Variants in ANK2 observed in about 807,000 individuals in gnomAD.
The protein encoded by ANK2 is ankyrin 2.
ANK2 carries 83 observed loss-of-function variants against 360.5 expected under a neutral mutation model. That is an observed-to-expected ratio of 0.23 (90% CI 0.19 to 0.28). The LOEUF is 0.28. Among genes scored for constraint, ANK2 ranks in the 10% least tolerant of loss-of-function variants. The probability of loss-of-function intolerance (pLI) is 1.00; values close to 1 mark genes in which losing one functional copy is unlikely to be tolerated. For missense variants in ANK2, 4,201 were observed against 4,795.7 expected, an observed-to-expected ratio of 0.88 and a Z score of 3.66; for synonymous variants, 1,740 against 1,759.5, an observed-to-expected ratio of 0.99 and a Z score of 0.28.
intron 4 of ANK2, among the ~76,000 whole-genome samples, chr4:113,221,246 A>G (rs1010632095): frequency 6.6e-6 from 1 of 152,170 alleles, no homozygotes; most frequent in African/African-American, 2.4e-5. Flanking sequence ...AATAGTGGTG[A>G]GACAAGTTGG....
At chr4:112,982,108 T>C (rs1283689745) in intron 2 of ANK2, among the ~76,000 whole-genome samples, 1 of 152,206 alleles carries the variant, frequency 6.6e-6, no homozygotes. Flanking sequence ...CATTTCTCAG[T>C]GTGTTCTGCG....
chr4:112,979,105 C>T (rs961362000), intron 2 of ANK2, among the ~76,000 whole-genome samples: 10 of 152,336 alleles, frequency 6.6e-5, no homozygotes, highest in South Asian at 4.1e-4. Flanking sequence ...CTGCTGGGCT[C>T]GTTCTGCCCA....
intron 1 of ANK2, chr4:112,826,656 C>T: frequency 3.0e-6 from 3 of 1,005,500 alleles, no homozygotes; most frequent in Non-Finnish European, 3.0e-6. Context: ...GGTGACCACA[C>T]TTACACATTC....
At chr4:113,074,952 T>C (rs954640149) in intron 1 of ANK2, among the ~76,000 whole-genome samples, 19 of 152,326 alleles carry the variant, frequency 1.2e-4, no homozygotes, top group Non-Finnish European at 2.5e-4. Context: ...TATGGCAAAA[T>C]AGACATAGAT....
chr4:113,133,349 T>G (rs2096184142), intron 1 of ANK2, among the ~76,000 whole-genome samples: 1 of 152,154 alleles, frequency 6.6e-6, no homozygotes. Context: ...ATACTCGACT[T>G]TTTACAATTG....
intron 1 of ANK2, among the ~76,000 whole-genome samples, chr4:113,075,752 T>C (rs1445182111): frequency 6.6e-6 from 1 of 152,232 alleles, no homozygotes; most frequent in African/African-American, 2.4e-5. Flanking sequence ...CTTACAGTGC[T>C]TCTGACCTAA....
chr4:112,713,200 C>T, the ANK2 span, among the ~76,000 whole-genome samples: 4 of 152,176 alleles, frequency 2.6e-5, no homozygotes, highest in South Asian at 4.1e-4. Flanking sequence ...ACATTTTGTT[C>T]CTTTTTATTG....
intron 26 of ANK2, 61 bp downstream of exon 26, chr4:113,318,681 A>G (rs1313449561): frequency 1.4e-6 from 2 of 1,399,266 alleles, no homozygotes; most frequent in African/African-American, 1.4e-5. Context: ...AGTGAAAACA[A>G]CAGCTTTGTC....
the ANK2 span, among the ~76,000 whole-genome samples, chr4:112,778,285 A>G: frequency 1.3e-5 from 2 of 151,512 alleles, no homozygotes; most frequent in African/African-American, 4.9e-5. Flanking sequence ...CAGTATTTTT[A>G]TGCTGGGTTT....
At chr4:112,964,006 T>C (rs1010805515) in intron 2 of ANK2, among the ~76,000 whole-genome samples, 4 of 151,664 alleles carry the variant, frequency 2.6e-5, no homozygotes, top group Admixed American at 2.6e-4. Context: ...TGAATTCTTA[T>C]GTTATTTATA....
At chr4:112,963,360 A>G (rs1284525197) in intron 2 of ANK2, among the ~76,000 whole-genome samples, 2 of 152,186 alleles carry the variant, frequency 1.3e-5, no homozygotes, top group East Asian at 1.9e-4. Context: ...TGTTTCATGC[A>G]TCTATTATTG....
chr4:113,314,111 A>C (rs1204888578), intron 24 of ANK2, among the ~76,000 whole-genome samples: 1 of 152,218 alleles, frequency 6.6e-6, no homozygotes, highest in Admixed American at 6.5e-5. Flanking sequence ...AAATACATAC[A>C]ATTTAATGTA....
chr4:113,346,156 A>G, intron 35 of ANK2, 134 bp downstream of exon 35: 1 of 1,019,760 alleles, frequency 9.8e-7, no homozygotes, highest in Non-Finnish European at 1.5e-6. Context: ...GAATACCAAC[A>G]AAGACTGATT....
the ANK2 span, among the ~76,000 whole-genome samples, chr4:112,743,581 A>T: frequency 9.2e-6 from 1 of 108,286 alleles, no homozygotes; most frequent in Admixed American, 1.2e-4. Flanking sequence ...TTTGAGACAG[A>T]GTTTCACTTT....
intron 2 of ANK2, among the ~76,000 whole-genome samples, chr4:113,181,000 A>G (rs543029828): frequency 7.8e-4 from 119 of 152,278 alleles, no homozygotes; most frequent in African/African-American, 2.8e-3. Context: ...GTTAGAATTG[A>G]GTAACACCTG....
chr4:113,186,587 T>TCTCTCTCTC lies in ANK2; in HGVS notation c.187-9781_187-9780insCTCTCTCTC, dbSNP rs370477795. Among the ~76,000 whole-genome samples the TCTCTCTCTC allele has an allele frequency of 1.3e-3, 61 of 46,892 alleles. 3 individuals carry two copies. Among genetic ancestry groups the TCTCTCTCTC allele is most frequent in the Middle Eastern group, 7.9e-3 (1 of 126 alleles). The allele number at this position is 46,892 out of a possible 152,430, so 30.8% of individuals were successfully genotyped here. Reference sequence around the variant, plus strand: ...CTCTCTCTCTCTCTCTCTCTCTCTCTTCTCTCTCTCTCTCTCTCTCCCTCA... The same window carrying TCTCTCTCTC: ...CTCTCTCTCTCTCTCTCTCTCTCTCTCTCTCTCTCTCTCTCTCTCTCTCTCTCTCCCTCA... On this transcript the variant is annotated intron_variant, in intron 2 of 45. Transcript: ENST00000357077.
chr4:113,359,064 T>C lies in ANK2; in HGVS notation c.10446T>C (p.Ser3482=), dbSNP rs781721193. The change falls in exon 38 of 46, where the codon AGT becomes AGC. Residue 3482 remains serine, a synonymous_variant. Coordinates refer to ENST00000357077, the MANE Select transcript of ANK2 (RefSeq NM_001148.6). ...RNSIEFFEEI[S]DEASKLVDRL... Reference sequence around the variant, plus strand: ...CCATAGAATTCTTTGAGGAGATTAGTGATGAGGCTTCCAAATTAGTGGATA... The same window carrying C: ...CCATAGAATTCTTTGAGGAGATTAGCGATGAGGCTTCCAAATTAGTGGATA... 6.2e-7 allele frequency: 1 copy of C among 1,614,078 alleles called. No individual in the cohort carries two copies. Among genetic ancestry groups the C allele is most frequent in the South Asian group, 1.1e-5 (1 of 91,080 alleles).
At chr4:113,103,944 C>T (rs752957057) in intron 1 of ANK2, among the ~76,000 whole-genome samples, 1 of 152,128 alleles carries the variant, frequency 6.6e-6, no homozygotes, top group Non-Finnish European at 1.5e-5. Flanking sequence ...CCTTTTCCTC[C>T]ATGCCTTTGA....
At chr4:113,315,896 C>CAAAA (rs70961811) in intron 24 of ANK2, among the ~76,000 whole-genome samples, 24 of 49,308 alleles carry the variant, frequency 4.9e-4, no homozygotes, top group South Asian at 8.5e-4. Flanking sequence ...GACTCCGTCT[C>CAAAA]AAAAAAAAAA....
Sources: allele counts gnomAD v4.1 joint callset (sites outside exome capture counted in the v4.1 genomes callset), GRCh38; gene constraint gnomAD v4.1.1; transcripts MANE v1.5; gene names NCBI Gene and HGNC (gene_info 2026-07-23, HGNC 2026-07-21).